The following TMCO4 variants were observed in gnomAD, a reference collection of about 807,000 sequenced individuals.
TMCO4 encodes the protein transmembrane and coiled-coil domain-containing protein 4.
TMCO4 carries 58 observed loss-of-function variants against 64.7 expected under a neutral mutation model. That is an observed-to-expected ratio of 0.90 (90% confidence interval 0.73 to 1.12). TMCO4 has a LOEUF of 1.12. Ranked by LOEUF, TMCO4 falls within the 50% of genes most tolerant of loss-of-function variation. TMCO4 has a pLI of 0.00. For missense variants in TMCO4, 780 were observed against 825.9 expected (o/e 0.94, Z 0.68); for synonymous variants, 325 against 346.1 (o/e 0.94, Z 0.68).
chr1:19,771,519 CAG>C, intron 4 of TMCO4, 37 bp from the exon 5 acceptor site: 1 of 1,602,208 alleles, frequency 6.2e-7, no homozygotes, highest in African/African-American at 1.3e-5. Context: ...CCAGGATCCT[CAG>C]AGCTCAGCCT....
chr1:19,759,304 G>A (rs1570928799), intron 6 of TMCO4, among the ~76,000 whole-genome samples: 1 of 151,888 alleles, frequency 6.6e-6, no homozygotes, highest in South Asian at 2.1e-4. Flanking sequence ...CACAGCCCTC[G>A]CTCTCCAACC....
chr1:19,734,609 G>T lies in TMCO4; in HGVS notation c.1264+2763C>A, dbSNP rs903252504. Among the ~76,000 whole-genome samples, 3 of 151,982 alleles carry T rather than the reference G, an allele frequency of 2.0e-5. No individual in the cohort carries two copies. Among genetic ancestry groups the T allele is most frequent in the Non-Finnish European group, 2.9e-5 (2 of 67,974 alleles). On this transcript the variant is annotated intron_variant, in intron 13 of 15. Transcript: ENST00000294543. This position sits in a 1 kb window ranked among gnomAD's most constrained non-coding sequence, Gnocchi z 4.4. ...CATTTCCCACCAACCCACCTGGGGG[G>T]CCTCTTACGTGGGCTGCAGAGACAC...
intron 3 of TMCO4, among the ~76,000 whole-genome samples, chr1:19,781,475 A>C (rs1418460704): frequency 6.6e-6 from 1 of 151,632 alleles, no homozygotes; most frequent in African/African-American, 2.4e-5. Flanking sequence ...AAAAAAAAAA[A>C]AACCCAATAG....
chr1:19,752,318 C>T (rs1213568526), intron 7 of TMCO4, among the ~76,000 whole-genome samples: 13 of 152,246 alleles, frequency 8.5e-5, no homozygotes, highest in Admixed American at 6.5e-4. Context: ...CCCACACCGT[C>T]GTAGTCACGG....
intron 3 of TMCO4, among the ~76,000 whole-genome samples, chr1:19,786,657 C>G (rs942132806): frequency 1.3e-5 from 2 of 152,170 alleles, no homozygotes; most frequent in Non-Finnish European, 2.9e-5. Context: ...GTAAAGGCAA[C>G]GGCCATGCGG....
At chr1:19,770,623 G>A (rs1476934551) in intron 5 of TMCO4, 54 bp from the exon 6 acceptor site, 9 of 1,559,368 alleles carry the variant, frequency 5.8e-6, no homozygotes, top group Admixed American at 1.8e-5. Flanking sequence ...GATACAGCGC[G>A]CTCATTTGAC....
Position 19,771,338 on chromosome 1 carries a change from G to C in TMCO4, c.324C>G (p.Ile108Met). The part of the protein sequence containing the change: ...VFVQILLKDP[I>M]LKDDPTVITQ... The stretch of plus-strand genomic sequence containing the variant: ...TGATCACCGTCGGGTCGTCCTTCAA[G>C]ATGGGGTCCTTCAGTAAAATTTGAA... Residue 108 changes from isoleucine to methionine, a missense_variant, in exon 5 of 16, where the codon ATC becomes ATG. Coordinates refer to ENST00000294543, the MANE Select transcript of TMCO4 (RefSeq NM_181719.7). The C allele has an allele frequency of 1.2e-6, 2 of 1,614,176 alleles. No homozygotes were observed. Among genetic ancestry groups the C allele is most frequent in the Non-Finnish European group, 1.7e-6 (2 of 1,180,028 alleles).
chr1:19,758,276 G>A lies in TMCO4; in HGVS notation c.383-2510C>T, dbSNP rs1299341678. 2.0e-5 allele frequency among the ~76,000 whole-genome samples: 3 copies of A among 151,892 alleles called. No homozygotes were observed. In the East Asian group the frequency reaches 5.8e-4, roughly 29 times the overall value. On this transcript the variant is annotated intron_variant, in intron 6 of 15. Transcript: ENST00000294543. ...GATGAGGAGCTGTCTACGTGCTGGG[G>A]ACAGACACCACATGCTGTGGCTTGG...
chr1:19,698,007 T>G (rs896986707), intron 14 of TMCO4, among the ~76,000 whole-genome samples: 2 of 152,158 alleles, frequency 1.3e-5, no homozygotes, highest in Admixed American at 1.3e-4. Context: ...TCCCCTTTTC[T>G]AGAAAAGCAG....
chr1:19,727,801 A>G (rs538309195), intron 13 of TMCO4, among the ~76,000 whole-genome samples: 1 of 152,346 alleles, frequency 6.6e-6, no homozygotes, highest in South Asian at 2.1e-4. Context: ...CATGGAGTCA[A>G]CCTAAATGCC....
Position 19,771,435 on chromosome 1 carries a change from A to T in TMCO4, c.227T>A (p.Leu76Ter). Residue 76 changes from leucine to a stop codon, truncating the protein, a stop_gained, in exon 5 of 16, where the codon TTG (leucine) becomes TAG (stop). Coordinates refer to ENST00000294543, the MANE Select transcript of TMCO4 (RefSeq NM_181719.7). LOFTEE classifies it high-confidence loss of function. ...CATGGTTGGCAAGACAGCTTCAGAC[A>T]ACTCCAGCCACTGCACCAGGCCTGC... is the stretch of plus-strand genomic sequence containing the variant. ...FMAGLVQWLELSEAVLPTMTA... is the reference protein window; with the variant it reads ...FMAGLVQWLE 1 of 1,614,146 alleles carries T rather than the reference A, an allele frequency of 6.2e-7. No individual in the cohort carries two copies. Among genetic ancestry groups the T allele is most frequent in the East Asian group, 2.2e-5 (1 of 44,884 alleles).
intron 13 of TMCO4, among the ~76,000 whole-genome samples, chr1:19,727,524 G>T (rs2095413744): frequency 6.6e-6 from 1 of 152,238 alleles, no homozygotes; most frequent in Non-Finnish European, 1.5e-5. Flanking sequence ...CACACAGTAA[G>T]TGCTTAACAA....
At chr1:19,753,600 T>C (rs770535520) in intron 7 of TMCO4, among the ~76,000 whole-genome samples, 1 of 151,982 alleles carries the variant, frequency 6.6e-6, no homozygotes, top group African/African-American at 2.4e-5. Context: ...AACCTTACAG[T>C]CAAGAGAAAT....
intron 4 of TMCO4, 151 bp downstream of exon 4, chr1:19,780,429 G>A (rs577814885): frequency 4.4e-5 from 40 of 911,620 alleles, no homozygotes; most frequent in Non-Finnish European, 5.6e-5. Flanking sequence ...ACTGGTCCAC[G>A]GCCTGGAGGT....
Position 19,745,558 on chromosome 1 carries a change from G to C in TMCO4, c.851C>G (p.Thr284Arg). The C allele has an allele frequency of 6.2e-7, 1 of 1,614,154 alleles. No homozygotes were observed. The highest frequency in any genetic ancestry group is 8.5e-7 in the Non-Finnish European group (1 of 1,180,020). Residue 284 changes from threonine to arginine, a missense_variant, in exon 10 of 16, where the codon ACG becomes AGG. Physicochemically the swap from Thr to Arg is moderately conservative, Grantham distance 71. Coordinates refer to ENST00000294543, the MANE Select transcript of TMCO4 (RefSeq NM_181719.7). ...GRQLHITIAV[T>R]GWLASGKYRT... ...GTATTTGCCAGAAGCGAGCCACCCC[G>C]TGACGGCGATGGTGATGTGCAGCTG... is the stretch of plus-strand genomic sequence containing the variant.
intron 6 of TMCO4, among the ~76,000 whole-genome samples, chr1:19,762,669 C>T (rs1197294913): frequency 6.6e-6 from 1 of 152,248 alleles, no homozygotes; most frequent in African/African-American, 2.4e-5. Context: ...CAGTTGCACC[C>T]ACACAGGTTG....
chr1:19,682,250 T>G lies in TMCO4; in HGVS notation c.*790A>C. On this transcript the variant is annotated 3_prime_UTR_variant, in exon 16 of 16. Transcript: ENST00000294543. ...TCAAGAAGTGGTAGCTTCTTCTTATTATTATTTATTGCTGTTGTTATCCCC... is the reference window on the plus strand; with the variant it reads ...TCAAGAAGTGGTAGCTTCTTCTTATGATTATTTATTGCTGTTGTTATCCCC... 5.1e-6 allele frequency: 1 copy of G among 195,182 alleles called. No individual in the cohort carries two copies. Among genetic ancestry groups the G allele is most frequent in the South Asian group, 1.3e-4 (1 of 7,710 alleles). 12.1% of individuals were successfully genotyped at this position (195,182 alleles called of 1,614,324 possible). A position where few individuals can be genotyped will look rare whatever the true frequency, so the allele number is the denominator to read the frequency against.
intron 13 of TMCO4, among the ~76,000 whole-genome samples, chr1:19,729,268 G>A (rs1055721646): frequency 2.6e-5 from 4 of 151,844 alleles, no homozygotes; most frequent in Non-Finnish European, 4.4e-5. Context: ...TCATGCCTCC[G>A]CCTGCCAAGT....
intron 4 of TMCO4, among the ~76,000 whole-genome samples, chr1:19,775,921 A>C (rs2043183200): frequency 6.6e-6 from 1 of 152,156 alleles, no homozygotes; most frequent in South Asian, 2.1e-4. Flanking sequence ...TTTGTTTATT[A>C]GTTTTATTTT....
Sources: gnomAD v4.1 joint callset for allele counts (sites outside exome capture counted in the v4.1 genomes callset) on GRCh38, gnomAD v4.1.1 for gene constraint, Gnocchi (gnomAD v3.1) non-coding constraint, MANE v1.5 for transcripts, NCBI Gene and HGNC (gene_info 2026-07-23, HGNC 2026-07-21) for gene names.